LOX: variants seen among roughly 807,000 people sequenced by gnomAD.
LOX encodes protein-lysine 6-oxidase.
Under a neutral mutation model 50.5 loss-of-function variants are expected in LOX, and 12 were observed. The observed-to-expected ratio is 0.24, with a 90% CI of 0.15 to 0.38. The LOEUF is 0.38. LOX is among the 10% of genes least tolerant of loss of function. LOX has a pLI of 1.00. For synonymous variants in LOX, 254 were observed against 230.6 expected (o/e 1.10, Z -0.92); for missense variants, 504 against 563.8 (o/e 0.89, Z 1.07).
At position 122,065,719 on chromosome 5, in the gene LOX, A is replaced by C. The variant is rs1170850146; in HGVS notation, c.*1024T>G. ...TCTAATAGCTGAACATCTTTTTAAA[A>C]TCTAGAAAACTTGAAAAATCCTAAA... On this transcript the variant is annotated 3_prime_UTR_variant, in exon 7 of 7. Transcript: ENST00000231004. 1 of 152,088 alleles carries C rather than the reference A, an allele frequency of 6.6e-6. No individual in the cohort carries two copies. Among genetic ancestry groups the C allele is most frequent in the Non-Finnish European group, 1.5e-5 (1 of 67,980 alleles). The allele number at this position is 152,088 out of a possible 1,614,324, so 9.4% of individuals were successfully genotyped here.
intron 6 of LOX, 79 bp downstream of exon 6, chr5:122,069,974 A>C: frequency 1.0e-6 from 1 of 997,606 alleles, no homozygotes; most frequent in Non-Finnish European, 1.6e-6. Context: ...GCAGAAACAG[A>C]TACATTCTAT....
At position 122,064,641 on chromosome 5, in the gene LOX, T is replaced by C. The variant is rs1349735499; in HGVS notation, c.*2102A>G. ...TTGAAATTTCATAGACATGTAATTT[T>C]ATTCCCTAAAAATGAAATAAGATGA... On this transcript the variant is annotated 3_prime_UTR_variant, in exon 7 of 7. Coordinates refer to ENST00000231004, the MANE Select transcript of LOX (RefSeq NM_002317.7). 1 of 152,016 alleles carries C rather than the reference T, an allele frequency of 6.6e-6. No homozygotes were observed. The highest frequency in any genetic ancestry group is 1.5e-5 in the Non-Finnish European group (1 of 67,934). The allele number at this position is 152,016 out of a possible 1,614,324, so 9.4% of individuals were successfully genotyped here. A position where few individuals can be genotyped will look rare whatever the true frequency, so the allele number is the denominator to read the frequency against.
chr5:122,068,636 C>G (rs1251821093), intron 6 of LOX, among the ~76,000 whole-genome samples: 1 of 152,110 alleles, frequency 6.6e-6, no homozygotes, highest in Non-Finnish European at 1.5e-5. Flanking sequence ...GAGACTAAAT[C>G]ACAGCCATCA....
At chr5:122,072,937 CTG>C (rs1203943838) in intron 4 of LOX, among the ~76,000 whole-genome samples, 41 of 152,172 alleles carry the variant, frequency 2.7e-4, no homozygotes, top group African/African-American at 9.7e-4. Flanking sequence ...AAAAGGGAAT[CTG>C]TATATGCACA....
At position 122,064,029 on chromosome 5, in the gene LOX, T is replaced by A. The variant is rs1754235125; in HGVS notation, c.*2714A>T. 1 of 151,950 alleles carries A rather than the reference T, an allele frequency of 6.6e-6. No homozygotes were observed. The highest frequency in any genetic ancestry group is 2.1e-4 in the South Asian group (1 of 4,830). The allele number at this position is 151,950 out of a possible 1,614,324, so 9.4% of individuals were successfully genotyped here. A position where few individuals can be genotyped will look rare whatever the true frequency, so the allele number is the denominator to read the frequency against. ...AGGTCAAGACATCTTTAACCCAGACTGTGGTCTGAATCATCATGAGATCGC... is the reference window on the plus strand; with the variant it reads ...AGGTCAAGACATCTTTAACCCAGACAGTGGTCTGAATCATCATGAGATCGC... On this transcript the variant is annotated 3_prime_UTR_variant, in exon 7 of 7. Transcript: ENST00000231004.
In LOX at chr5:122,077,592, A is replaced by G; in HGVS notation, c.394T>C (p.Ser132Pro). ...RHWFQAGYSTSRAREAGASRA... is the reference protein window; with the variant it reads ...RHWFQAGYSTPRAREAGASRA... The stretch of plus-strand genomic sequence containing the variant: ...GAGGCGCCAGCTTCGCGGGCTCTAG[A>G]TGTCGAGTAGCCAGCTTGGAACCAG... The change falls in exon 1 of 7, where the codon TCT becomes CCT. Residue 132 changes from serine (S) to proline (P), a missense_variant. By Grantham distance (74) the Ser-to-Pro change is moderately conservative (BLOSUM62 -1). Coordinates refer to ENST00000231004, the MANE Select transcript of LOX (RefSeq NM_002317.7). This position sits in a 1 kb window ranked among gnomAD's most constrained non-coding sequence, Gnocchi z 4.9. The G allele has an allele frequency of 6.2e-7, 1 of 1,612,574 alleles. No individual in the cohort carries two copies. Among genetic ancestry groups the G allele is most frequent in the East Asian group, 2.2e-5 (1 of 44,856 alleles).
Position 122,076,935 on chromosome 5 carries a change from A to C in LOX, c.698T>G (p.Met233Arg). The C allele has an allele frequency of 6.2e-7, 1 of 1,613,808 alleles. No individual in the cohort carries two copies. Among genetic ancestry groups the C allele is most frequent in the South Asian group, 1.1e-5 (1 of 91,072 alleles). ...QASTYVQKMS[M>R]YNLRCAAEEN... ...CTCCGCCGCGCATCTCAGGTTGTAC[A>C]TGGACATCTTCTGCACGTACGTGGA... is the stretch of plus-strand genomic sequence containing the variant. Residue 233 changes from methionine to arginine, a missense_variant, in exon 2 of 7, where the codon ATG becomes AGG. Met to Arg is a moderately conservative substitution (Grantham distance 91). This residue lies in a region of LOX where 398 missense variants were observed against 365.8 expected (regional missense o/e 1.09). Transcript: ENST00000231004.
At chr5:122,071,420 C>T (rs1038103439) in intron 4 of LOX, among the ~76,000 whole-genome samples, 2 of 152,130 alleles carry the variant, frequency 1.3e-5, no homozygotes, top group East Asian at 1.9e-4. Context: ...CATACAGTCA[C>T]TGAAATATGA....
At chr5:122,070,225 A>C in intron 5 of LOX, 57 bp from the exon 6 acceptor site, 1 of 989,222 alleles carries the variant, frequency 1.0e-6, no homozygotes, top group Admixed American at 1.7e-5. Flanking sequence ...ACAATAAGGA[A>C]ATTGTTAATG....
chr5:122,078,076 C>T lies in LOX; in HGVS notation c.-91G>A. 1 of 1,275,262 alleles carries T rather than the reference C, an allele frequency of 7.8e-7. No homozygotes were observed. The highest frequency in any genetic ancestry group is 2.0e-5 in the South Asian group (1 of 50,912). The allele number at this position is 1,275,262 out of a possible 1,614,324, so 79.0% of individuals were successfully genotyped here. A position where few individuals can be genotyped will look rare whatever the true frequency, so the allele number is the denominator to read the frequency against. On this transcript the variant is annotated 5_prime_UTR_variant, in exon 1 of 7. Transcript: ENST00000231004. ...CAAATCACGTGAGGGAAGGAGAAATCTTCAACCAAGGAGGCGAGCGGAGCA... is the reference window on the plus strand; with the variant it reads ...CAAATCACGTGAGGGAAGGAGAAATTTTCAACCAAGGAGGCGAGCGGAGCA...
intron 6 of LOX, 72 bp downstream of exon 6, chr5:122,069,981 C>A: frequency 9.7e-7 from 1 of 1,025,998 alleles, no homozygotes; most frequent in South Asian, 1.3e-5. Flanking sequence ...CAGATACATT[C>A]TATGTATAAT....
In LOX at chr5:122,077,047, C is replaced by G. The variant is rs775737705; in HGVS notation, c.632-46G>C. On this transcript the variant is annotated intron_variant, in intron 1 of 6. Coordinates refer to ENST00000231004, the MANE Select transcript of LOX (RefSeq NM_002317.7). This position sits in a 1 kb window ranked among gnomAD's most constrained non-coding sequence, Gnocchi z 4.9. The stretch of plus-strand genomic sequence containing the variant: ...GGCGCAGCAGTGAAACAACCCGGCG[C>G]CCCCCGCTCCAACTCCCTACCCCTC... The G allele has an allele frequency of 6.2e-7, 1 of 1,603,616 alleles. No homozygotes were observed. The highest frequency in any genetic ancestry group is 8.5e-7 in the Non-Finnish European group (1 of 1,178,254).
At chr5:122,072,534 A>T (rs1754479365) in intron 4 of LOX, among the ~76,000 whole-genome samples, 1 of 152,230 alleles carries the variant, frequency 6.6e-6, no homozygotes, top group Non-Finnish European at 1.5e-5. Context: ...TATAAATCTA[A>T]AGAAGTTATA....
At chr5:122,074,548 CAT>C (rs1221329920) in intron 3 of LOX, among the ~76,000 whole-genome samples, 1 of 152,134 alleles carries the variant, frequency 6.6e-6, no homozygotes, top group African/African-American at 2.4e-5. Context: ...AAAAGCAGCA[CAT>C]GACTTTTTCA....
At position 122,077,886 on chromosome 5, in the gene LOX, C is replaced by G. The variant is rs777431502; in HGVS notation, c.100G>C (p.Glu34Gln). Residue 34 changes from glutamate (E) to glutamine (Q), a missense_variant, in exon 1 of 7, where the codon GAG becomes CAG. Glu to Gln is a conservative substitution (Grantham distance 29). This residue lies in a region of LOX where 398 missense variants were observed against 365.8 expected (regional missense o/e 1.09). Coordinates refer to ENST00000231004, the MANE Select transcript of LOX (RefSeq NM_002317.7). This position sits in a 1 kb window ranked among gnomAD's most constrained non-coding sequence, Gnocchi z 4.9. Reference protein sequence around the residue: ...PAAGQQQPPREPPAAPGAWRQ... With the variant: ...PAAGQQQPPRQPPAAPGAWRQ... ...CAGGCGCCCGGAGCCGCCGGCGGCT[C>G]GCGCGGGGGCTGCTGTTGGCCGGCG... 3.6e-5 allele frequency: 55 copies of G among 1,531,212 alleles called. No individual in the cohort carries two copies. Among genetic ancestry groups the G allele is most frequent in the Middle Eastern group, 1.7e-4 (1 of 5,822 alleles). The allele number at this position is 1,531,212 out of a possible 1,614,324, so 94.9% of individuals were successfully genotyped here.
At chr5:122,076,768 A>ACTTCCCAGCT in intron 2 of LOX, 125 bp downstream of exon 2, 1 of 751,652 alleles carries the variant, frequency 1.3e-6, no homozygotes, top group South Asian at 1.7e-5. Context: ...GTCACGTCCC[A>ACTTCCCAGCT]CTTCCCAGCT....
At position 122,078,053 on chromosome 5, in the gene LOX, A is replaced by G. The variant is rs1222359734; in HGVS notation, c.-68T>C. On this transcript the variant is annotated 5_prime_UTR_variant, in exon 1 of 7. Transcript: ENST00000231004. ...TCACAGAAAATAAAAACGGGGCTCA[A>G]ATCACGTGAGGGAAGGAGAAATCTT... The G allele has an allele frequency of 3.6e-6, 5 of 1,375,358 alleles. No homozygotes were observed. Among genetic ancestry groups the G allele is most frequent in the Non-Finnish European group, 4.7e-6 (5 of 1,054,298 alleles). 85.2% of individuals were successfully genotyped at this position (1,375,358 alleles called of 1,614,324 possible). A position where few individuals can be genotyped will look rare whatever the true frequency, so the allele number is the denominator to read the frequency against.
chr5:122,077,783 C>A lies in LOX; in HGVS notation c.203G>T (p.Arg68Leu). Residue 68 changes from arginine (R) to leucine (L), a missense_variant, in exon 1 of 7, where the codon CGC (arginine) becomes CTC (leucine). Around this residue, in one of 2 missense-constraint regions of LOX, gnomAD observed 398 missense variants for 365.8 expected, o/e 1.09. Coordinates refer to ENST00000231004, the MANE Select transcript of LOX (RefSeq NM_002317.7). This position sits in a 1 kb window ranked among gnomAD's most constrained non-coding sequence, Gnocchi z 4.9. Reference protein sequence around the residue: ...LSLGSQYQPQRRRDPGAAVPG... With the variant: ...LSLGSQYQPQLRRDPGAAVPG... ...GACGGCGGCGCCCGGGTCCCGGCGG[C>A]GCTGAGGCTGGTACTGTGAGCCCAG... 1 of 1,548,826 alleles carries A rather than the reference C, an allele frequency of 6.5e-7. No individual in the cohort carries two copies.
chr5:122,071,193 ATGTGTGTG>A (rs35544795), intron 4 of LOX, among the ~76,000 whole-genome samples: 62 of 149,932 alleles, frequency 4.1e-4, no homozygotes, highest in Admixed American at 9.4e-4. Flanking sequence ...AAACATTTAT[ATGTGTGTG>A]TGTGTGTGTG....
Sources: allele counts gnomAD v4.1 joint callset (sites outside exome capture counted in the v4.1 genomes callset), GRCh38; gene constraint gnomAD v4.1.1; regional missense constraint gnomAD v4.1.1; non-coding constraint Gnocchi (gnomAD v3.1); transcripts MANE v1.5; gene names NCBI Gene and HGNC (gene_info 2026-07-23, HGNC 2026-07-21).